CTXND2: variants seen among roughly 807,000 people sequenced by gnomAD.
CTXND2 encodes the protein cortexin domain containing 2.
Position 150,888,994 on chromosome 1 carries a change from G to A in CTXND2, c.-74+1681G>A, listed in dbSNP as rs150062480. On this transcript the variant is annotated intron_variant, in intron 1 of 1. Transcript: ENST00000636087. ...GCTGGGATTATAGGAATGAATCACCGTGCCTAGCCGATCTCACTCTACTTC... is the reference window on the plus strand; with the variant it reads ...GCTGGGATTATAGGAATGAATCACCATGCCTAGCCGATCTCACTCTACTTC... Among the ~76,000 whole-genome samples the A allele has an allele frequency of 8.4e-3, 1,279 of 152,058 alleles. 26 individuals are homozygous for A. Among genetic ancestry groups the A allele is most frequent in the African/African-American group, 0.03 (1,233 of 41,530 alleles).
chr1:150,910,042 TGAA>T (rs1186526569), intron 1 of CTXND2, among the ~76,000 whole-genome samples: 2 of 152,092 alleles, frequency 1.3e-5, no homozygotes, highest in Non-Finnish European at 2.9e-5. Flanking sequence ...GGCCCTTTCC[TGAA>T]GAAGGAACTC....
chr1:150,902,754 T>G (rs1191014317), intron 1 of CTXND2, among the ~76,000 whole-genome samples: 1 of 151,782 alleles, frequency 6.6e-6, no homozygotes, highest in Non-Finnish European at 1.5e-5. Context: ...ACTCTTAAAG[T>G]GGAATATAAA....
chr1:150,894,239 T>C lies in CTXND2; in HGVS notation c.-74+6926T>C, dbSNP rs1264713345. 2.0e-5 allele frequency among the ~76,000 whole-genome samples: 3 copies of C among 152,168 alleles called. No individual in the cohort carries two copies. In the East Asian group the frequency reaches 5.8e-4, roughly 29 times the overall value. The stretch of plus-strand genomic sequence containing the variant: ...TCAATCAGGATTTATTTGCAGGGAA[T>C]AGAAACTTTCTAGTTATTTAAAACA... On this transcript the variant is annotated intron_variant, in intron 1 of 1. Transcript: ENST00000636087.
At chr1:150,890,405 C>CT (rs764838885) in intron 1 of CTXND2, among the ~76,000 whole-genome samples, 2 of 152,182 alleles carry the variant, frequency 1.3e-5, no homozygotes, top group African/African-American at 2.4e-5. Flanking sequence ...TGCCCAGCCC[C>CT]TGTCACACAA....
Position 150,902,273 on chromosome 1 carries a change from G to T in CTXND2, c.-73-9969G>T, listed in dbSNP as rs587722712. 7.9e-5 allele frequency among the ~76,000 whole-genome samples: 12 copies of T among 152,162 alleles called. No individual in the cohort carries two copies. In the East Asian group the frequency reaches 2.3e-3, roughly 29 times the overall value. On this transcript the variant is annotated intron_variant, in intron 1 of 1. Transcript: ENST00000636087. ...TTAAAAAACATTAGCCAGGCGTGGT[G>T]GTGGGTGCCTGTAGTCCCAGCTACT...
chr1:150,899,260 C>G (rs1015642939), intron 1 of CTXND2, among the ~76,000 whole-genome samples: 2 of 151,978 alleles, frequency 1.3e-5, no homozygotes, highest in African/African-American at 2.4e-5. Context: ...CATAGCAAGA[C>G]CCCCATCTCT....
chr1:150,890,770 T>C (rs1261814435), intron 1 of CTXND2, among the ~76,000 whole-genome samples: 1 of 152,200 alleles, frequency 6.6e-6, no homozygotes, highest in Non-Finnish European at 1.5e-5. Flanking sequence ...CCCAAAGTGC[T>C]GGGATTACAG....
chr1:150,900,211 G>A (rs1438541279), intron 1 of CTXND2, among the ~76,000 whole-genome samples: 1 of 152,040 alleles, frequency 6.6e-6, no homozygotes, highest in Non-Finnish European at 1.5e-5. Flanking sequence ...CACCGTGAAG[G>A]TCTGTAGCTT....
chr1:150,896,143 G>C (rs587699379), intron 1 of CTXND2, among the ~76,000 whole-genome samples: 4 of 152,204 alleles, frequency 2.6e-5, no homozygotes, highest in Admixed American at 2.6e-4. Context: ...AGAGATGATA[G>C]GTAGGGGGAA....
intron 1 of CTXND2, among the ~76,000 whole-genome samples, chr1:150,898,881 T>C (rs1054325963): frequency 4.9e-5 from 7 of 143,952 alleles, no homozygotes; most frequent in Non-Finnish European, 1.1e-4. Context: ...ACCGAGACCA[T>C]CCTGGGTAAC....
At chr1:150,897,882 T>C (rs912400395) in intron 1 of CTXND2, among the ~76,000 whole-genome samples, 1 of 152,222 alleles carries the variant, frequency 6.6e-6, no homozygotes, top group Non-Finnish European at 1.5e-5. Flanking sequence ...CTTGCAATTC[T>C]CTGGCAAGGT....
chr1:150,906,477 C>T (rs1055325763), intron 1 of CTXND2, among the ~76,000 whole-genome samples: 1 of 152,152 alleles, frequency 6.6e-6, no homozygotes, highest in African/African-American at 2.4e-5. Context: ...ATTGGTGACA[C>T]CAGCAAGGAG....
At chr1:150,907,427 G>A (rs896081169) in intron 1 of CTXND2, among the ~76,000 whole-genome samples, 1 of 152,048 alleles carries the variant, frequency 6.6e-6, no homozygotes, top group Non-Finnish European at 1.5e-5. Flanking sequence ...TAATATGCTG[G>A]GGGCGTTTGT....
intron 1 of CTXND2, among the ~76,000 whole-genome samples, chr1:150,901,316 C>G (rs1163407313): frequency 6.6e-6 from 1 of 152,190 alleles, no homozygotes; most frequent in Admixed American, 6.6e-5. Flanking sequence ...GATGCCAGTA[C>G]TCTCTAAATT....
intron 1 of CTXND2, among the ~76,000 whole-genome samples, chr1:150,898,623 G>T (rs1296289639): frequency 1.3e-5 from 2 of 151,226 alleles, no homozygotes; most frequent in Non-Finnish European, 2.9e-5. Context: ...GGGCGTGGTG[G>T]TGCCCGCCTG....
intron 1 of CTXND2, among the ~76,000 whole-genome samples, chr1:150,892,545 T>C (rs1668865854): frequency 6.6e-6 from 1 of 150,492 alleles, no homozygotes; most frequent in Non-Finnish European, 1.5e-5. Flanking sequence ...TTTTTTTTTT[T>C]TTTATTGAGA....
chr1:150,898,430 G>A (rs1363457643), intron 1 of CTXND2, among the ~76,000 whole-genome samples: 2 of 152,052 alleles, frequency 1.3e-5, no homozygotes, highest in Admixed American at 6.6e-5. Context: ...GACCCTATCT[G>A]TGGAGTCCAT....
At chr1:150,895,042 C>CATAT (rs1255735511) in intron 1 of CTXND2, among the ~76,000 whole-genome samples, 5 of 151,048 alleles carry the variant, frequency 3.3e-5, no homozygotes, top group Admixed American at 1.3e-4. Context: ...CTCAAAAAAA[C>CATAT]ATATATATAT....
intron 1 of CTXND2, among the ~76,000 whole-genome samples, chr1:150,895,807 GTGACACAAAGA>G (rs1668908605): frequency 1.3e-5 from 2 of 152,326 alleles, no homozygotes; most frequent in South Asian, 4.1e-4. Context: ...AGACTATTGA[GTGACACAAAGA>G]TGACACAATT....
Sources: gnomAD v4.1 joint callset for allele counts (sites outside exome capture counted in the v4.1 genomes callset) on GRCh38, gnomAD v4.1.1 for gene constraint, MANE v1.5 for transcripts, NCBI Gene and HGNC (gene_info 2026-07-23, HGNC 2026-07-21) for gene names.